The following BABAM2 variants were observed in gnomAD, a reference collection of about 807,000 sequenced individuals.
BABAM2 encodes the protein BRISC and BRCA1 A complex member 2, also known as BRISC and BRCA1-A complex member 2.
Under a neutral mutation model 54.7 loss-of-function variants are expected in BABAM2, and 31 were observed. The observed-to-expected ratio is 0.57, with a 90% CI of 0.43 to 0.77. The LOEUF is 0.77. Ranked by LOEUF, BABAM2 falls within the 30% of genes least tolerant of loss-of-function variation. The pLI is 0.00. For synonymous variants in BABAM2, 167 were observed against 162.9 expected, an observed-to-expected ratio of 1.03 and a Z score of -0.19; for missense variants, 364 against 455.8, an observed-to-expected ratio of 0.80 and a Z score of 1.83.
intron 11 of BABAM2, among the ~76,000 whole-genome samples, chr2:28,302,631 A>C (rs1200324139): frequency 6.6e-6 from 1 of 152,214 alleles, no homozygotes; most frequent in Non-Finnish European, 1.5e-5. Context: ...GTGGGAGTAC[A>C]TATGTGATTA....
chr2:27,954,285 A>T (rs1330106059), intron 3 of BABAM2, among the ~76,000 whole-genome samples: 2 of 152,240 alleles, frequency 1.3e-5, no homozygotes, highest in Non-Finnish European at 2.9e-5. Context: ...TGAGCAATTT[A>T]TGACCATATG....
At position 28,304,217 on chromosome 2, in the gene BABAM2, G is replaced by A. The variant is rs1418872060; in HGVS notation, c.1088+5726G>A. On this transcript the variant is annotated intron_variant, in intron 11 of 11. Transcript: ENST00000379624. This position sits in a 1 kb window ranked among gnomAD's most constrained non-coding sequence, Gnocchi z 4.0. ...ATTACAGGCGCCCGCCACTATGCCCGGCCAATTTTTGTGTTTTTAGTACAG... is the reference window on the plus strand; with the variant it reads ...ATTACAGGCGCCCGCCACTATGCCCAGCCAATTTTTGTGTTTTTAGTACAG... Among the ~76,000 whole-genome samples, 5 of 151,830 alleles carry A rather than the reference G, an allele frequency of 3.3e-5. No individual in the cohort carries two copies. Among genetic ancestry groups the A allele is most frequent in the African/African-American group, 7.3e-5 (3 of 41,314 alleles).
At chr2:28,158,665 C>A (rs1391049520) in intron 7 of BABAM2, among the ~76,000 whole-genome samples, 1 of 152,228 alleles carries the variant, frequency 6.6e-6, no homozygotes, top group Non-Finnish European at 1.5e-5. Flanking sequence ...CAAATTCCTT[C>A]TTTCAGCATT....
At chr2:28,279,727 ATGAT>A (rs1233446336) in intron 10 of BABAM2, among the ~76,000 whole-genome samples, 1 of 137,174 alleles carries the variant, frequency 7.3e-6, no homozygotes, top group Admixed American at 8.2e-5. Flanking sequence ...GTGCAATGGC[ATGAT>A]CTCAGCTCAC....
chr2:28,304,502 G>A lies in BABAM2; in HGVS notation c.1088+6011G>A, dbSNP rs990472661. Reference sequence around the variant, plus strand: ...CAAATGATTTTTCTATACTGACATGGCATCCTGTGACATTGCTAAATTCAC... The same window carrying A: ...CAAATGATTTTTCTATACTGACATGACATCCTGTGACATTGCTAAATTCAC... On this transcript the variant is annotated intron_variant, in intron 11 of 11. Transcript: ENST00000379624. This position sits in a 1 kb window ranked among gnomAD's most constrained non-coding sequence, Gnocchi z 4.0. Among the ~76,000 whole-genome samples the A allele has an allele frequency of 3.3e-5, 5 of 151,598 alleles. No homozygotes were observed. Among genetic ancestry groups the A allele is most frequent in the African/African-American group, 1.2e-4 (5 of 41,344 alleles).
chr2:28,068,864 C>T (rs192632832), intron 6 of BABAM2, among the ~76,000 whole-genome samples: 11 of 152,158 alleles, frequency 7.2e-5, no homozygotes, highest in African/African-American at 2.7e-4. Flanking sequence ...AAAATGAGTG[C>T]GTGAATTTAA....
At chr2:28,071,322 G>T (rs1014135977) in intron 6 of BABAM2, among the ~76,000 whole-genome samples, 1 of 152,112 alleles carries the variant, frequency 6.6e-6, no homozygotes, top group Non-Finnish European at 1.5e-5. Flanking sequence ...GAAGAACTCA[G>T]GTCATTTACT....
chr2:28,119,809 A>G (rs1277010765), intron 6 of BABAM2, among the ~76,000 whole-genome samples: 1 of 152,204 alleles, frequency 6.6e-6, no homozygotes, highest in Non-Finnish European at 1.5e-5. Context: ...AGACATGGGC[A>G]GGTGGCAGCA....
intron 7 of BABAM2, among the ~76,000 whole-genome samples, chr2:28,168,923 G>A (rs1674017623): frequency 6.6e-6 from 1 of 152,142 alleles, no homozygotes; most frequent in East Asian, 1.9e-4. Context: ...CTGTAGGTGA[G>A]GGCTGAGTCC....
chr2:28,153,882 G>T (rs1336156177), intron 7 of BABAM2, among the ~76,000 whole-genome samples: 1 of 152,146 alleles, frequency 6.6e-6, no homozygotes, highest in East Asian at 1.9e-4. Context: ...TGAGTTTTTG[G>T]TTTTTCTGTG....
At chr2:27,900,065 G>T (rs1382230873) in intron 2 of BABAM2, among the ~76,000 whole-genome samples, 2 of 152,216 alleles carry the variant, frequency 1.3e-5, no homozygotes, top group Non-Finnish European at 2.9e-5. Flanking sequence ...CAATGACAGA[G>T]TTAGGGAAAA....
At chr2:27,905,550 G>A (rs1666129810) in intron 2 of BABAM2, among the ~76,000 whole-genome samples, 1 of 152,050 alleles carries the variant, frequency 6.6e-6, no homozygotes, top group African/African-American at 2.4e-5. Flanking sequence ...TATGGTGGGT[G>A]ATATTATTGT....
intron 10 of BABAM2, among the ~76,000 whole-genome samples, chr2:28,279,200 T>C (rs1003530982): frequency 1.3e-5 from 2 of 152,142 alleles, no homozygotes; most frequent in African/African-American, 4.8e-5. Context: ...TTGGAGCCAC[T>C]GAGGAGTTTG....
chr2:28,175,464 T>C lies in BABAM2; in HGVS notation c.680+46084T>C, dbSNP rs867813316. ...ATGCCTTCCAGTGTCTTCGGGATTA[T>C]CCCACCCTGTCCCCACTGCCAGCAT... On this transcript the variant is annotated intron_variant, in intron 7 of 11. Coordinates refer to ENST00000379624, the MANE Select transcript of BABAM2 (RefSeq NM_199191.3). 2.0e-5 allele frequency among the ~76,000 whole-genome samples: 3 copies of C among 152,128 alleles called. No individual in the cohort carries two copies. In the South Asian group the frequency reaches 6.2e-4, roughly 31 times the overall value.
chr2:28,056,956 T>C (rs1199476539), intron 6 of BABAM2, among the ~76,000 whole-genome samples: 1 of 152,254 alleles, frequency 6.6e-6, no homozygotes, highest in Non-Finnish European at 1.5e-5. Flanking sequence ...CATAAGTCTC[T>C]TATTTTTAGT....
At chr2:28,219,609 A>G (rs1474877118) in intron 7 of BABAM2, among the ~76,000 whole-genome samples, 1 of 151,810 alleles carries the variant, frequency 6.6e-6, no homozygotes, top group African/African-American at 2.4e-5. Flanking sequence ...ACAAATGCCT[A>G]CCTGTGTTCA....
At chr2:27,972,100 T>C (rs1356592831) in intron 3 of BABAM2, among the ~76,000 whole-genome samples, 1 of 152,202 alleles carries the variant, frequency 6.6e-6, no homozygotes, top group Non-Finnish European at 1.5e-5. Context: ...ATTAGTCTAA[T>C]TTTCTAAGAA....
chr2:28,249,087 GTTTT>G (rs367887351), intron 10 of BABAM2, among the ~76,000 whole-genome samples: 2 of 129,588 alleles, frequency 1.5e-5, no homozygotes, highest in Non-Finnish European at 1.7e-5. Flanking sequence ...TTGTTTGCTT[GTTTT>G]TTTTTTTTTT....
At chr2:28,116,918 A>G (rs72854482) in intron 6 of BABAM2, among the ~76,000 whole-genome samples, 467 of 152,332 alleles carry the variant, frequency 3.1e-3, no homozygotes, top group African/African-American at 0.011. Context: ...GAAGATCATC[A>G]TATTCGTGTA....
Sources: allele counts gnomAD v4.1 joint callset (sites outside exome capture counted in the v4.1 genomes callset), GRCh38; gene constraint gnomAD v4.1.1; non-coding constraint Gnocchi (gnomAD v3.1); transcripts MANE v1.5; gene names NCBI Gene and HGNC (gene_info 2026-07-23, HGNC 2026-07-21).